The following PTPRN variants were observed in gnomAD, a reference collection of about 807,000 sequenced individuals.
The protein encoded by PTPRN is receptor-type tyrosine-protein phosphatase-like N.
PTPRN carries 70 observed loss-of-function variants against 108.5 expected under a neutral mutation model. The observed-to-expected ratio is 0.65, with a 90% confidence interval of 0.53 to 0.79. The LOEUF (loss-of-function observed/expected upper bound fraction) is 0.79, where lower values mean the gene tolerates loss of function less well. Ranked by LOEUF, PTPRN falls within the 30% of genes least tolerant of loss-of-function variation. The pLI is 0.00. For missense variants in PTPRN, 1,136 were observed against 1,295.5 expected, an observed-to-expected ratio of 0.88 and a Z score of 1.89; for synonymous variants, 496 against 524.6, an observed-to-expected ratio of 0.95 and a Z score of 0.75.
intron 1 of PTPRN, 124 bp from the exon 2 acceptor site, chr2:219,307,966 G>T: frequency 1.1e-6 from 1 of 906,990 alleles, no homozygotes; most frequent in Non-Finnish European, 1.8e-6. Flanking sequence ...AAGGCCTTAA[G>T]CTGGGAGGAG....
At chr2:219,303,696 G>T in intron 4 of PTPRN, 39 bp downstream of exon 4, 4 of 1,557,542 alleles carry the variant, frequency 2.6e-6, no homozygotes, top group Non-Finnish European at 3.5e-6. Flanking sequence ...AGATTCATCA[G>T]CCTCACCATT....
rs1952018525 is a variant in PTPRN, at chr2:219,290,075, C to G, written c.*151G>C. The G allele has an allele frequency of 4.1e-6, 3 of 735,106 alleles. No individual in the cohort carries two copies. Among genetic ancestry groups the G allele is most frequent in the Non-Finnish European group, 6.9e-6 (3 of 433,516 alleles). 45.5% of individuals were successfully genotyped at this position (735,106 alleles called of 1,614,324 possible). The stretch of plus-strand genomic sequence containing the variant: ...TGGCATGCGAGGCTGGGCAGGCGTG[C>G]CCCTTCTGGCTTTCCCTTCCTGACT... On this transcript the variant is annotated 3_prime_UTR_variant, in exon 23 of 23. Coordinates refer to ENST00000295718, the MANE Select transcript of PTPRN (RefSeq NM_002846.4). This position sits in a 1 kb window ranked among gnomAD's most constrained non-coding sequence, Gnocchi z 4.2.
chr2:219,292,264 T>C (rs990726336), intron 19 of PTPRN: 2 of 152,958 alleles, frequency 1.3e-5, no homozygotes, highest in East Asian at 3.9e-4. Context: ...GGGGTCCCCT[T>C]GGACCTCAGA....
In PTPRN at chr2:219,295,156, C is replaced by T; in HGVS notation, c.2509-15G>A. The T allele has an allele frequency of 6.2e-7, 1 of 1,602,762 alleles. No homozygotes were observed. Among genetic ancestry groups the T allele is most frequent in the East Asian group, 2.3e-5 (1 of 43,548 alleles). ...ACCAGGTTCACCTGCCCGGCAGGGG[C>T]CCAGGCCTGAGCGCCGCGGGCTGCC... On this transcript the variant is annotated splice_polypyrimidine_tract_variant and intron_variant, in intron 18 of 22. Transcript: ENST00000295718.
intron 1 of PTPRN, chr2:219,308,815 C>A (rs925775855): frequency 1.5e-6 from 2 of 1,297,574 alleles, no homozygotes; most frequent in Admixed American, 4.6e-5. Context: ...CTTCCACTGC[C>A]CAGAGATCAC....
intron 3 of PTPRN, among the ~76,000 whole-genome samples, chr2:219,305,392 G>A (rs983983457): frequency 5.9e-5 from 9 of 152,104 alleles, no homozygotes; most frequent in South Asian, 2.1e-4. Context: ...ACAGGTGCTC[G>A]CCACCATGCC....
intron 3 of PTPRN, 160 bp from the exon 4 acceptor site, chr2:219,303,991 C>A: frequency 1.9e-6 from 1 of 516,656 alleles, no homozygotes; most frequent in Non-Finnish European, 3.4e-6. Context: ...TTCTTCCCAC[C>A]CTCAGGTACA....
chr2:219,300,816 C>A, intron 8 of PTPRN, 127 bp downstream of exon 8: 3 of 1,067,240 alleles, frequency 2.8e-6, no homozygotes, highest in Non-Finnish European at 2.8e-6. Context: ...GGTCTCTGGG[C>A]CTTGGTTTCC....
In PTPRN at chr2:219,289,900, T is replaced by C; in HGVS notation, c.*326A>G. The C allele has an allele frequency of 3.2e-6, 1 of 316,322 alleles. No homozygotes were observed. Among genetic ancestry groups the C allele is most frequent in the East Asian group, 6.3e-5 (1 of 15,878 alleles). 19.6% of individuals were successfully genotyped at this position (316,322 alleles called of 1,614,324 possible). A position where few individuals can be genotyped will look rare whatever the true frequency, so the allele number is the denominator to read the frequency against. Reference sequence around the variant, plus strand: ...GGACACACACAGATGTTCAGGGAACTCCCAGAACCCCAGGAGAGCTACAGG... The same window carrying C: ...GGACACACACAGATGTTCAGGGAACCCCCAGAACCCCAGGAGAGCTACAGG... On this transcript the variant is annotated 3_prime_UTR_variant, in exon 23 of 23. Transcript: ENST00000295718.
At chr2:219,303,304 C>T (rs1017883815) in intron 4 of PTPRN, among the ~76,000 whole-genome samples, 6 of 152,200 alleles carry the variant, frequency 3.9e-5, no homozygotes, top group East Asian at 1.9e-4. Context: ...ATCTGAGCTC[C>T]CTAAACCTCA....
chr2:219,295,294 C>T (rs1378692991), intron 18 of PTPRN, 153 bp from the exon 19 acceptor site: 13 of 728,896 alleles, frequency 1.8e-5, no homozygotes, highest in East Asian at 2.9e-5. Context: ...GGAACCCTGG[C>T]TGCCTGTCAC....
At position 219,298,175 on chromosome 2, in the gene PTPRN, C is replaced by A. The variant is rs1032602052; in HGVS notation, c.1669-72G>T. 121 of 1,435,498 alleles carry A rather than the reference C, an allele frequency of 8.4e-5. 1 individual carries two copies. The highest frequency in any genetic ancestry group is 1.1e-4 in the Non-Finnish European group (119 of 1,038,326). 88.9% of individuals were successfully genotyped at this position (1,435,498 alleles called of 1,614,324 possible). A position where few individuals can be genotyped will look rare whatever the true frequency, so the allele number is the denominator to read the frequency against. On this transcript the variant is annotated intron_variant, in intron 12 of 22. Coordinates refer to ENST00000295718, the MANE Select transcript of PTPRN (RefSeq NM_002846.4). The stretch of plus-strand genomic sequence containing the variant: ...TTTCAGAGCTGCTCCTCACCCCGGT[C>A]CCATGCCACACCCCCTGTTAGGACA...
chr2:219,297,844 C>T lies in PTPRN; in HGVS notation c.1887+41G>A, dbSNP rs1574919305. 3.2e-6 allele frequency: 5 copies of T among 1,557,670 alleles called. No homozygotes were observed. The highest frequency in any genetic ancestry group is 4.3e-6 in the Non-Finnish European group (5 of 1,150,880). On this transcript the variant is annotated intron_variant, in intron 13 of 22. Transcript: ENST00000295718. This position sits in a 1 kb window ranked among gnomAD's most constrained non-coding sequence, Gnocchi z 6.0. ...ACGCAAGACCCAGACTCCCAGGCCC[C>T]TTGCATTTCCTTTGCTCAATCAGCT...
chr2:219,299,493 G>A (rs1200289806), intron 10 of PTPRN, 109 bp from the exon 11 acceptor site: 8 of 1,333,718 alleles, frequency 6.0e-6, no homozygotes, highest in Non-Finnish European at 8.6e-6. Context: ...GGAGCAGATC[G>A]GGGATGCCCT....
chr2:219,294,879 T>C (rs2125090135), intron 19 of PTPRN, 96 bp downstream of exon 19: 2 of 1,277,496 alleles, frequency 1.6e-6, no homozygotes, highest in Middle Eastern at 2.9e-4. Context: ...AGGCCGAGGC[T>C]CCAGGCCCGA....
intron 8 of PTPRN, among the ~76,000 whole-genome samples, chr2:219,300,705 G>C (rs73991462): frequency 0.043 from 6,587 of 152,236 alleles, 456 homozygotes; most frequent in African/African-American, 0.15. Context: ...TCAGAGCATG[G>C]TCTGAAATGA....
chr2:219,293,071 G>A (rs961720517), intron 19 of PTPRN, among the ~76,000 whole-genome samples: 5 of 152,120 alleles, frequency 3.3e-5, no homozygotes, highest in African/African-American at 9.7e-5. Flanking sequence ...CACAGGTAGC[G>A]GAATGGAGGG....
rs756059350 is a variant in PTPRN at position 219,295,006 on chromosome 2, C to T, written c.2644G>A (p.Ala882Thr). The change falls in exon 19 of 23, where the codon GCC (alanine) becomes ACC (threonine). Residue 882 changes from alanine (A) to threonine (T), a missense_variant. Ala to Thr is a moderately conservative substitution (Grantham distance 58). Coordinates refer to ENST00000295718, the MANE Select transcript of PTPRN (RefSeq NM_002846.4). ...AAGTCCAGCAGGGGCCGCGTGGAGGCCGGTGTGCCCTCTGCCGGCCAGCTG... is the reference window on the plus strand; with the variant it reads ...AAGTCCAGCAGGGGCCGCGTGGAGGTCGGTGTGCCCTCTGCCGGCCAGCTG... ...FLSWPAEGTP[A>T]STRPLLDFRR... The T allele has an allele frequency of 1.1e-5, 18 of 1,604,756 alleles. No individual in the cohort carries two copies. The East Asian group carries it at 4.1e-4, about 36-fold the overall frequency.
intron 3 of PTPRN, among the ~76,000 whole-genome samples, chr2:219,306,151 AAACAAC>A (rs374948333): frequency 6.6e-6 from 1 of 152,112 alleles, no homozygotes; most frequent in Non-Finnish European, 1.5e-5. Flanking sequence ...ACTCTGTCTC[AAACAAC>A]AACAACAACA....
Sources: gnomAD v4.1 joint callset for allele counts (sites outside exome capture counted in the v4.1 genomes callset) on GRCh38, gnomAD v4.1.1 for gene constraint, Gnocchi (gnomAD v3.1) non-coding constraint, MANE v1.5 for transcripts, NCBI Gene and HGNC (gene_info 2026-07-23, HGNC 2026-07-21) for gene names.